LRRN3: variants seen among roughly 807,000 people sequenced by gnomAD.
LRRN3 encodes the protein leucine-rich repeat neuronal protein 3.
In LRRN3, 15 loss-of-function variants were observed where a neutral mutation model predicts 40.1. The observed-to-expected ratio is 0.37, with a 90% CI of 0.25 to 0.58. The LOEUF (loss-of-function observed/expected upper bound fraction) is 0.58, where lower values mean the gene tolerates loss of function less well. LRRN3 is among the 20% of genes least tolerant of loss of function. The probability of loss-of-function intolerance (pLI) is 0.72; values close to 1 mark genes in which losing one functional copy is unlikely to be tolerated. For synonymous variants in LRRN3, 308 were observed against 297.2 expected (o/e 1.04, Z -0.37); for missense variants, 746 against 837.7 (o/e 0.89, Z 1.35).
intron 1 of LRRN3, among the ~76,000 whole-genome samples, chr7:111,092,180 G>A (rs1389624626): frequency 6.6e-6 from 1 of 152,166 alleles, no homozygotes. Context: ...TCCCCTCGCT[G>A]GTCTGAAGGG....
chr7:111,108,922 T>C (rs935230865), intron 2 of LRRN3, among the ~76,000 whole-genome samples: 5 of 152,180 alleles, frequency 3.3e-5, no homozygotes, highest in African/African-American at 1.2e-4. Flanking sequence ...TAGCAGGCAA[T>C]ATTCTAGCTA....
chr7:111,115,301 T>A (rs1208947081), intron 2 of LRRN3, among the ~76,000 whole-genome samples: 1 of 152,074 alleles, frequency 6.6e-6, no homozygotes, highest in African/African-American at 2.4e-5. Flanking sequence ...AAGTTATGAC[T>A]TAAAATTATC....
chr7:111,093,284 T>TA (rs1179580207), intron 1 of LRRN3, among the ~76,000 whole-genome samples: 3 of 152,068 alleles, frequency 2.0e-5, no homozygotes, highest in East Asian at 3.9e-4. Flanking sequence ...ATGCAATCTA[T>TA]AAAAAAAACC....
chr7:111,121,307 G>A (rs1046449486), intron 2 of LRRN3, among the ~76,000 whole-genome samples: 1 of 152,118 alleles, frequency 6.6e-6, no homozygotes. Flanking sequence ...TCTGTAGGTT[G>A]CCTGTTCGCT....
chr7:111,113,386 CT>C lies in LRRN3; in HGVS notation c.-358-9019del, dbSNP rs201497545. On this transcript the variant is annotated intron_variant, in intron 2 of 2. Coordinates refer to ENST00000308478, the MANE Select transcript of LRRN3 (RefSeq NM_001099658.2). ...CTTATGGCAATCAATATAGAATAGT[CT>C]TTTTTTTTTGTATACATGTCTATCA... Among the ~76,000 whole-genome samples, 903 of 149,066 alleles carry C rather than the reference CT, an allele frequency of 6.1e-3. 18 individuals are homozygous for C. Among genetic ancestry groups the C allele is most frequent in the African/African-American group, 0.02 (815 of 40,842 alleles).
chr7:111,119,595 A>C (rs1237066298), intron 2 of LRRN3, among the ~76,000 whole-genome samples: 6 of 152,216 alleles, frequency 3.9e-5, no homozygotes, highest in Non-Finnish European at 8.8e-5. Flanking sequence ...GATGTTAGTA[A>C]ATACTTATAC....
intron 2 of LRRN3, among the ~76,000 whole-genome samples, chr7:111,117,629 G>C (rs1586387610): frequency 6.6e-6 from 1 of 152,030 alleles, no homozygotes; most frequent in African/African-American, 2.4e-5. Flanking sequence ...GATGCATTTA[G>C]TATAATTCAA....
At chr7:111,118,739 A>G (rs1322403362) in intron 2 of LRRN3, among the ~76,000 whole-genome samples, 1 of 152,136 alleles carries the variant, frequency 6.6e-6, no homozygotes, top group Admixed American at 6.6e-5. Context: ...TATCATAATC[A>G]TTTCCACAGA....
intron 2 of LRRN3, among the ~76,000 whole-genome samples, chr7:111,113,047 A>G (rs1373121255): frequency 6.6e-6 from 1 of 152,220 alleles, no homozygotes; most frequent in African/African-American, 2.4e-5. Flanking sequence ...ATTTTATTAT[A>G]TGCAGAACAG....
intron 1 of LRRN3, among the ~76,000 whole-genome samples, chr7:111,095,288 T>C (rs924675067): frequency 1.2e-4 from 18 of 151,952 alleles, no homozygotes; most frequent in Admixed American, 2.0e-4. Flanking sequence ...CATTATACTT[T>C]GTATTCACCC....
intron 1 of LRRN3, among the ~76,000 whole-genome samples, chr7:111,097,726 C>A (rs1219050434): frequency 6.6e-6 from 1 of 151,736 alleles, no homozygotes; most frequent in Non-Finnish European, 1.5e-5. Context: ...AAATTTAATT[C>A]TATTTTTATC....
Position 111,122,873 on chromosome 7 carries a change from C to A in LRRN3, c.101C>A (p.Thr34Lys), listed in dbSNP as rs761418614. The change falls in exon 3 of 3, where the codon ACG (threonine) becomes AAG (lysine). Residue 34 changes from threonine to lysine, a missense_variant. Physicochemically the swap from Thr to Lys is moderately conservative, Grantham distance 78. Transcript: ENST00000308478. Reference protein sequence around the residue: ...DKKVDCPRLCTCEIRPWFTPR... With the variant: ...DKKVDCPRLCKCEIRPWFTPR... ...AAAGTGGATTGTCCACGGTTATGTA[C>A]GTGTGAAATCAGGCCTTGGTTTACA... 3.1e-6 allele frequency: 5 copies of A among 1,613,774 alleles called. No individual in the cohort carries two copies. The highest frequency in any genetic ancestry group is 4.2e-6 in the Non-Finnish European group (5 of 1,179,856).
At chr7:111,120,045 A>G (rs182342647) in intron 2 of LRRN3, among the ~76,000 whole-genome samples, 72 of 152,326 alleles carry the variant, frequency 4.7e-4, no homozygotes, top group African/African-American at 1.7e-3. Context: ...AGCTCTACCA[A>G]TAGGGAGAAG....
chr7:111,121,818 G>C (rs1200718321), intron 2 of LRRN3, among the ~76,000 whole-genome samples: 1 of 152,062 alleles, frequency 6.6e-6, no homozygotes, highest in Non-Finnish European at 1.5e-5. Flanking sequence ...GCAAAGACTT[G>C]GAACCAACCC....
chr7:111,109,161 A>T (rs983379138), intron 2 of LRRN3, among the ~76,000 whole-genome samples: 16 of 152,350 alleles, frequency 1.1e-4, no homozygotes, highest in Admixed American at 2.6e-4. Context: ...AGACCAAATT[A>T]AAGAACAAAC....
intron 2 of LRRN3, among the ~76,000 whole-genome samples, chr7:111,100,469 C>T (rs119062): frequency 0.8 from 117,857 of 147,742 alleles, 47,419 homozygotes; most frequent in East Asian, 0.87. Context: ...ATAACATATA[C>T]AGATTTAAAA....
intron 1 of LRRN3, among the ~76,000 whole-genome samples, chr7:111,093,045 T>C (rs1181176291): frequency 6.6e-6 from 1 of 152,118 alleles, no homozygotes; most frequent in Non-Finnish European, 1.5e-5. Context: ...CATAAATGTG[T>C]CAAAAAAATG....
chr7:111,115,500 G>A (rs1799768099), intron 2 of LRRN3, among the ~76,000 whole-genome samples: 1 of 151,920 alleles, frequency 6.6e-6, no homozygotes, highest in Admixed American at 6.6e-5. Flanking sequence ...ATGTGCCTGT[G>A]ATTAAGATTT....
At chr7:111,106,990 CA>C (rs937685740) in intron 2 of LRRN3, among the ~76,000 whole-genome samples, 49 of 151,688 alleles carry the variant, frequency 3.2e-4, no homozygotes, top group African/African-American at 1.1e-3. Context: ...TATTAAAATG[CA>C]AAAACAATTA....
Sources: gnomAD v4.1 joint callset for allele counts (sites outside exome capture counted in the v4.1 genomes callset) on GRCh38, gnomAD v4.1.1 for gene constraint, MANE v1.5 for transcripts, NCBI Gene and HGNC (gene_info 2026-07-23, HGNC 2026-07-21) for gene names.